Variants in ZCCHC7 observed in about 807,000 individuals in gnomAD.
The protein encoded by ZCCHC7 is zinc finger CCHC-type containing 7.
ZCCHC7 carries 35 observed loss-of-function variants against 52.0 expected under a neutral mutation model. The ratio of observed to expected loss-of-function variants is 0.67; its 90% CI spans 0.51 to 0.89. The LOEUF is 0.89. ZCCHC7 is among the 40% of genes least tolerant of loss of function. ZCCHC7 has a pLI of 0.00. For synonymous variants in ZCCHC7, 217 were observed against 221.5 expected, an observed-to-expected ratio of 0.98 and a Z score of 0.18; for missense variants, 574 against 649.1, an observed-to-expected ratio of 0.88 and a Z score of 1.26.
At chr9:37,315,206 G>A (rs10973296) in intron 5 of ZCCHC7, among the ~76,000 whole-genome samples, 1 of 151,952 alleles carries the variant, frequency 6.6e-6, no homozygotes, top group East Asian at 1.9e-4. Context: ...AATGATAAAT[G>A]GGATAAAGTA....
At chr9:37,244,248 GAAA>G in intron 2 of ZCCHC7, among the ~76,000 whole-genome samples, 2 of 119,490 alleles carry the variant, frequency 1.7e-5, no homozygotes, top group South Asian at 5.2e-4. Flanking sequence ...TTCGTTTAAA[GAAA>G]AAAAAAAAAA....
intron 5 of ZCCHC7, among the ~76,000 whole-genome samples, chr9:37,321,124 G>A (rs1441638332): frequency 6.6e-6 from 1 of 151,672 alleles, no homozygotes; most frequent in Non-Finnish European, 1.5e-5. Flanking sequence ...AAGTAGCTGG[G>A]ACTACAGGCG....
intron 2 of ZCCHC7, among the ~76,000 whole-genome samples, chr9:37,266,629 T>G (rs1477476766): frequency 6.6e-6 from 1 of 152,136 alleles, no homozygotes; most frequent in Non-Finnish European, 1.5e-5. Flanking sequence ...ATCCCAGTAC[T>G]TTGGGAGGCT....
chr9:37,302,679 T>C (rs1303277221), intron 3 of ZCCHC7, among the ~76,000 whole-genome samples: 1 of 152,246 alleles, frequency 6.6e-6, no homozygotes, highest in Non-Finnish European at 1.5e-5. Flanking sequence ...GTGGTCCACT[T>C]GGCCAGTTCA....
intron 2 of ZCCHC7, among the ~76,000 whole-genome samples, chr9:37,245,187 A>T (rs867010184): frequency 6.6e-6 from 1 of 151,948 alleles, no homozygotes; most frequent in East Asian, 1.9e-4. Context: ...AACTTTAAAG[A>T]TAAACTTTAT....
intron 2 of ZCCHC7, among the ~76,000 whole-genome samples, chr9:37,287,207 C>G (rs965381988): frequency 6.7e-6 from 1 of 149,258 alleles, no homozygotes; most frequent in South Asian, 2.2e-4. Flanking sequence ...GATTTTCTTT[C>G]TCTAGAAAAG....
intron 2 of ZCCHC7, among the ~76,000 whole-genome samples, chr9:37,235,137 A>C (rs1825583580): frequency 6.6e-6 from 1 of 152,198 alleles, no homozygotes; most frequent in South Asian, 2.1e-4. Flanking sequence ...TTATTGTGAA[A>C]AATATACAAT....
At chr9:37,279,924 G>A (rs79999252) in intron 2 of ZCCHC7, among the ~76,000 whole-genome samples, 4,702 of 152,062 alleles carry the variant, frequency 0.031, 93 homozygotes, top group Non-Finnish European at 0.05. Flanking sequence ...GGAGGCCGAG[G>A]CGGGCGGATC....
At chr9:37,203,819 A>G (rs1228330863) in intron 2 of ZCCHC7, among the ~76,000 whole-genome samples, 1 of 152,228 alleles carries the variant, frequency 6.6e-6, no homozygotes, top group Non-Finnish European at 1.5e-5. Context: ...TTGGGTATAT[A>G]CCGAGTAATG....
At chr9:37,197,177 T>TC (rs749231088) in intron 2 of ZCCHC7, among the ~76,000 whole-genome samples, 5 of 151,956 alleles carry the variant, frequency 3.3e-5, no homozygotes, top group East Asian at 1.9e-4. Context: ...AAATTAGACT[T>TC]CCCCCCACCC....
chr9:37,209,923 A>G (rs553824180), intron 2 of ZCCHC7, among the ~76,000 whole-genome samples: 1 of 152,308 alleles, frequency 6.6e-6, no homozygotes, highest in East Asian at 1.9e-4. Context: ...TTCTCTTTGA[A>G]TCCACCAAGG....
chr9:37,199,923 C>G (rs1458393775), intron 2 of ZCCHC7, among the ~76,000 whole-genome samples: 1 of 151,658 alleles, frequency 6.6e-6, no homozygotes, highest in Non-Finnish European at 1.5e-5. Flanking sequence ...CCAGGCTGGT[C>G]TCAAACTCCT....
Position 37,310,182 on chromosome 9 carries a change from G to T in ZCCHC7, c.951+4468G>T, listed in dbSNP as rs946579537. Among the ~76,000 whole-genome samples, 4 of 152,196 alleles carry T rather than the reference G, an allele frequency of 2.6e-5. No individual in the cohort carries two copies. In the East Asian group the frequency reaches 7.7e-4, roughly 29 times the overall value. ...AGTTTTATGAGGTGAAGGATAAAAA[G>T]ATGGCTCAAGGCCTACTAAAGTCAA... On this transcript the variant is annotated intron_variant, in intron 5 of 8. Coordinates refer to ENST00000336755, the MANE Select transcript of ZCCHC7 (RefSeq NM_032226.3).
chr9:37,234,267 C>T (rs1176152247), intron 2 of ZCCHC7, among the ~76,000 whole-genome samples: 1 of 152,210 alleles, frequency 6.6e-6, no homozygotes, highest in Non-Finnish European at 1.5e-5. Flanking sequence ...AACACTAGCT[C>T]ATCCTGTTTC....
intron 2 of ZCCHC7, among the ~76,000 whole-genome samples, chr9:37,175,867 A>T (rs573129879): frequency 1.3e-5 from 2 of 152,248 alleles, no homozygotes; most frequent in African/African-American, 2.4e-5. Flanking sequence ...TCTCTCACAT[A>T]CTAGTATTTA....
intron 5 of ZCCHC7, among the ~76,000 whole-genome samples, chr9:37,306,761 C>CTTTTTTT (rs1265092730): frequency 1.2e-5 from 1 of 85,838 alleles, no homozygotes; most frequent in Non-Finnish European, 2.4e-5. Flanking sequence ...CTGTACCCGA[C>CTTTTTTT]CTTTTTTTTT....
chr9:37,139,208 T>C (rs7043330), intron 2 of ZCCHC7, among the ~76,000 whole-genome samples: 4,678 of 152,152 alleles, frequency 0.031, 168 homozygotes, highest in African/African-American at 0.077. Context: ...TCATTATTAT[T>C]TATCTTTGTT....
At chr9:37,348,673 T>C (rs1266158417) in intron 6 of ZCCHC7, among the ~76,000 whole-genome samples, 1 of 152,116 alleles carries the variant, frequency 6.6e-6, no homozygotes, top group Non-Finnish European at 1.5e-5. Flanking sequence ...CCACCACACC[T>C]GGCCCAAACT....
chr9:37,356,886 AAGC>A lies in ZCCHC7; in HGVS notation c.1255_1257del (p.Ala419del). The A allele has an allele frequency of 3.7e-6, 6 of 1,611,694 alleles. No homozygotes were observed. The highest frequency in any genetic ancestry group is 5.1e-6 in the Non-Finnish European group (6 of 1,179,514). On this transcript the variant is annotated inframe_deletion, in exon 9 of 9. Coordinates refer to ENST00000336755, the MANE Select transcript of ZCCHC7 (RefSeq NM_032226.3). ...GAGCCATCCAAGCTACCTTATATAAAAGCAGCAAATGAGAACCCCCACCATGAT... is the reference window on the plus strand; with the variant it reads ...GAGCCATCCAAGCTACCTTATATAAAAGCAAATGAGAACCCCCACCATGAT...
Sources: gnomAD v4.1 joint callset for allele counts (sites outside exome capture counted in the v4.1 genomes callset) on GRCh38, gnomAD v4.1.1 for gene constraint, MANE v1.5 for transcripts, NCBI Gene and HGNC (gene_info 2026-07-23, HGNC 2026-07-21) for gene names.